The following EFHC1 variants were observed in gnomAD, a reference collection of about 807,000 sequenced individuals.
The protein encoded by EFHC1 is EF-hand domain containing 1, also known as EF-hand domain-containing protein 1.
In EFHC1, 53 loss-of-function variants were observed where a neutral mutation model predicts 69.9. The observed-to-expected ratio is 0.76, with a 90% CI of 0.61 to 0.95. The LOEUF is 0.95. EFHC1 is among the 40% of genes least tolerant of loss of function. The pLI is 0.00. For synonymous variants in EFHC1, 256 were observed against 278.4 expected, an observed-to-expected ratio of 0.92 and a Z score of 0.80; for missense variants, 739 against 798.7, an observed-to-expected ratio of 0.93 and a Z score of 0.90.
At chr6:52,472,652 TAATATCTTTTACATACA>T (rs1184532715) in intron 7 of EFHC1, among the ~76,000 whole-genome samples, 16 of 123,802 alleles carry the variant, frequency 1.3e-4, no homozygotes, top group Middle Eastern at 5.0e-3. Flanking sequence ...AAGAGATATG[TAATATCTTTTACATACA>T]AGAGATATGT....
intron 5 of EFHC1, among the ~76,000 whole-genome samples, chr6:52,459,057 G>C (rs535391671): frequency 6.6e-6 from 1 of 152,198 alleles, no homozygotes; most frequent in East Asian, 1.9e-4. Flanking sequence ...ATAGACACTG[G>C]GGACTCCAAA....
In EFHC1 at chr6:52,423,985, A is replaced by T; in HGVS notation, c.103A>T (p.Asn35Tyr). Residue 35 changes from asparagine to tyrosine, a missense_variant, in exon 2 of 11, where the codon AAC (asparagine) becomes TAC (tyrosine). Transcript: ENST00000371068. The part of the protein sequence containing the change: ...FHRSQTLSYR[N>Y]GYAIVRRPTV... ...CAGAAGTCAGACGCTGAGCTACAGG[A>T]ACGGCTATGCAATTGTTCGACGTCC... 6.2e-7 allele frequency: 1 copy of T among 1,614,116 alleles called. No homozygotes were observed. Among genetic ancestry groups the T allele is most frequent in the East Asian group, 2.2e-5 (1 of 44,890 alleles).
rs115573652 is a variant in EFHC1 at position 52,450,031 on chromosome 6, T to C, written c.574-2657T>C. Among the ~76,000 whole-genome samples the C allele has an allele frequency of 3.0e-3, 463 of 152,332 alleles. 4 individuals carry two copies. Among genetic ancestry groups the C allele is most frequent in the African/African-American group, 0.011 (448 of 41,578 alleles). On this transcript the variant is annotated intron_variant, in intron 3 of 10. Transcript: ENST00000371068. Reference sequence around the variant, plus strand: ...CTTTGTTCCATTACTTTCAAAGAAATTCTTGATTTCTGCCTTAATTTCATT... The same window carrying C: ...CTTTGTTCCATTACTTTCAAAGAAACTCTTGATTTCTGCCTTAATTTCATT...
chr6:52,423,593 C>G (rs1157915740), intron 1 of EFHC1: 1 of 504,798 alleles, frequency 2.0e-6, no homozygotes, highest in East Asian at 3.3e-5. Context: ...CTTGGACCTC[C>G]CAGGCTCAAG....
chr6:52,429,104 A>G, intron 2 of EFHC1, among the ~76,000 whole-genome samples: 1 of 152,062 alleles, frequency 6.6e-6, no homozygotes, highest in East Asian at 1.9e-4. Flanking sequence ...CTTTTGTCAG[A>G]TGTATAGATT....
At chr6:52,420,699 G>T (rs1472191053) in intron 1 of EFHC1, among the ~76,000 whole-genome samples, 1 of 152,008 alleles carries the variant, frequency 6.6e-6, no homozygotes, top group Non-Finnish European at 1.5e-5. Flanking sequence ...TCCCTCTCTA[G>T]TTTTTTCCCA....
chr6:52,420,658 C>A (rs1003782227), intron 1 of EFHC1, among the ~76,000 whole-genome samples, 185 bp downstream of exon 1: 6 of 152,154 alleles, frequency 3.9e-5, no homozygotes, highest in African/African-American at 1.4e-4. Flanking sequence ...CATCCTCATC[C>A]CCTCTCTCCG....
At chr6:52,445,970 T>C (rs1016646608) in intron 3 of EFHC1, among the ~76,000 whole-genome samples, 1 of 152,194 alleles carries the variant, frequency 6.6e-6, no homozygotes, top group African/African-American at 2.4e-5. Context: ...GAGGAGTGCT[T>C]TACTTCCAAC....
In EFHC1 at chr6:52,493,283, A is replaced by G. The variant is rs765765632; in HGVS notation, c.*942A>G. 2.4e-5 allele frequency: 11 copies of G among 450,308 alleles called. No homozygotes were observed. The highest frequency in any genetic ancestry group is 4.7e-5 in the South Asian group (3 of 64,284). The allele number at this position is 450,308 out of a possible 1,614,324, so 27.9% of individuals were successfully genotyped here. A position where few individuals can be genotyped will look rare whatever the true frequency, so the allele number is the denominator to read the frequency against. ...GCTCTCCTGGGTCTCCAGCTTGCCA[A>G]TTTACCCTGCAGATCTTGGGACTTG... On this transcript the variant is annotated 3_prime_UTR_variant, in exon 11 of 11. Coordinates refer to ENST00000371068, the MANE Select transcript of EFHC1 (RefSeq NM_018100.4).
At chr6:52,474,792 C>T (rs1581844276) in intron 7 of EFHC1, among the ~76,000 whole-genome samples, 1 of 152,200 alleles carries the variant, frequency 6.6e-6, no homozygotes, top group East Asian at 1.9e-4. Flanking sequence ...GATTAAAAAG[C>T]AGACAAAACA....
intron 7 of EFHC1, among the ~76,000 whole-genome samples, chr6:52,476,233 G>T (rs1384104093): frequency 4.6e-5 from 7 of 152,116 alleles, no homozygotes; most frequent in African/African-American, 1.4e-4. Flanking sequence ...ACTAAAAGTT[G>T]GTCTGTTTCT....
chr6:52,479,741 C>G lies in EFHC1; in HGVS notation c.1594C>G (p.Gln532Glu), dbSNP rs745458555. 1 of 1,614,214 alleles carries G rather than the reference C, an allele frequency of 6.2e-7. No homozygotes were observed. Among genetic ancestry groups the G allele is most frequent in the South Asian group, 1.1e-5 (1 of 91,086 alleles). Residue 532 changes from glutamine to glutamate, a missense_variant, in exon 9 of 11, where the codon CAG (glutamine) becomes GAG (glutamate). Coordinates refer to ENST00000371068, the MANE Select transcript of EFHC1 (RefSeq NM_018100.4). The stretch of plus-strand genomic sequence containing the variant: ...TTCACCAGAAGCACTCGCGTCAATT[C>G]AGAACCATGTCCGAAAGCGAGAAGC... Reference protein sequence around the residue: ...QYSPEALASIQNHVRKREAPA... With the variant: ...QYSPEALASIENHVRKREAPA...
intron 2 of EFHC1, among the ~76,000 whole-genome samples, chr6:52,436,062 G>A (rs1356220913): frequency 1.3e-5 from 2 of 152,158 alleles, no homozygotes; most frequent in Admixed American, 6.6e-5. Flanking sequence ...TGGGCTAGCT[G>A]ATCAGTTCAG....
At chr6:52,448,815 A>G (rs1331231444) in intron 3 of EFHC1, among the ~76,000 whole-genome samples, 3 of 152,198 alleles carry the variant, frequency 2.0e-5, no homozygotes, top group African/African-American at 7.2e-5. Context: ...GATGAATCAC[A>G]TTTATTGATT....
chr6:52,480,127 GTTGA>G, intron 9 of EFHC1: 1 of 521,452 alleles, frequency 1.9e-6, no homozygotes. Flanking sequence ...AACATAAACA[GTTGA>G]TTAACACATA....
chr6:52,461,416 C>G (rs1475160031), intron 5 of EFHC1, among the ~76,000 whole-genome samples: 1 of 152,108 alleles, frequency 6.6e-6, no homozygotes, highest in Non-Finnish European at 1.5e-5. Context: ...TTTTTTATGG[C>G]TGCATAGTAT....
chr6:52,425,088 A>G (rs1376110952), intron 2 of EFHC1, among the ~76,000 whole-genome samples: 2 of 152,208 alleles, frequency 1.3e-5, no homozygotes, highest in African/African-American at 4.8e-5. Flanking sequence ...TGCCATTTAC[A>G]TGATAGTCAC....
At chr6:52,438,774 A>AT (rs1261104905) in intron 3 of EFHC1, among the ~76,000 whole-genome samples, 183 bp downstream of exon 3, 1 of 152,126 alleles carries the variant, frequency 6.6e-6, no homozygotes, top group African/African-American at 2.4e-5. Flanking sequence ...TAGTAACATA[A>AT]TTTTTTCAGA....
intron 7 of EFHC1, among the ~76,000 whole-genome samples, chr6:52,478,267 G>A (rs2114022465): frequency 6.6e-6 from 1 of 151,674 alleles, no homozygotes. Context: ...ACACTCTGGG[G>A]ACTGTGGTGG....
Sources: allele counts gnomAD v4.1 joint callset (sites outside exome capture counted in the v4.1 genomes callset), GRCh38; gene constraint gnomAD v4.1.1; transcripts MANE v1.5; gene names NCBI Gene and HGNC (gene_info 2026-07-23, HGNC 2026-07-21).